PFKM: variants seen among roughly 807,000 people sequenced by gnomAD.
PFKM encodes phosphofructokinase, muscle, also known as ATP-dependent 6-phosphofructokinase, muscle type.
A neutral mutation model predicts 95.5 loss-of-function variants in PFKM; 58 were observed. That is an observed-to-expected ratio of 0.61 (90% CI 0.49 to 0.76). The LOEUF (loss-of-function observed/expected upper bound fraction) is 0.76, where lower values mean the gene tolerates loss of function less well. Ranked by LOEUF, PFKM falls within the 30% of genes least tolerant of loss-of-function variation. The probability of loss-of-function intolerance (pLI) is 0.00; values close to 1 mark genes in which losing one functional copy is unlikely to be tolerated. For synonymous variants in PFKM, 336 were observed against 357.2 expected (o/e 0.94, Z 0.67); for missense variants, 678 against 1,005.4 (o/e 0.67, Z 4.40).
chr12:48,135,136 C>G (rs1220460635), intron 9 of PFKM, 98 bp downstream of exon 9: 1 of 1,121,314 alleles, frequency 8.9e-7, no homozygotes, highest in Non-Finnish European at 1.4e-6. Flanking sequence ...GGTCCTTCTG[C>G]ACATCTCTCC....
intron 3 of PFKM, among the ~76,000 whole-genome samples, chr12:48,110,799 G>A (rs1046493677): frequency 6.6e-6 from 1 of 152,194 alleles, no homozygotes; most frequent in African/African-American, 2.4e-5. Flanking sequence ...ATCAGTATAA[G>A]CAGCTCTGCC....
intron 15 of PFKM, 77 bp from the exon 16 acceptor site, chr12:48,141,663 T>A (rs1479210425): frequency 9.0e-7 from 1 of 1,115,078 alleles, no homozygotes; most frequent in Non-Finnish European, 1.4e-6. Context: ...AACTCTAGCT[T>A]TTCTCCCCCT....
Position 48,145,501 on chromosome 12 carries a change from C to G in PFKM, c.2199-63C>G. 2 of 1,589,322 alleles carry G rather than the reference C, an allele frequency of 1.3e-6. No homozygotes were observed. Among genetic ancestry groups the G allele is most frequent in the Non-Finnish European group, 1.7e-6 (2 of 1,158,050 alleles). ...TTCTGTCTAACTTCTTCCTATAAAC[C>G]TTTGGTAGAAGTTGATTGGGGTGCT... On this transcript the variant is annotated intron_variant, in intron 22 of 22. Transcript: ENST00000359794. This position sits in a 1 kb window ranked among gnomAD's most constrained non-coding sequence, Gnocchi z 4.3.
intron 1 of PFKM, chr12:48,106,239 A>C: frequency 1.3e-5 from 8 of 628,894 alleles, no homozygotes; most frequent in Non-Finnish European, 1.7e-5. Flanking sequence ...CGAAGGGAGC[A>C]TTTAAGACTA....
intron 2 of PFKM, chr12:48,107,488 A>T: frequency 7.3e-7 from 1 of 1,361,982 alleles, no homozygotes; most frequent in East Asian, 2.3e-5. Flanking sequence ...CTCCAGTGAC[A>T]GAGAATGGGT....
upstream of PFKM, among the ~76,000 whole-genome samples, chr12:48,116,648 T>G (rs1249041120): frequency 2.0e-5 from 3 of 152,096 alleles, no homozygotes; most frequent in African/African-American, 7.2e-5. Context: ...CTGGCTAATT[T>G]TTTGTATTTT....
intron 10 of PFKM, among the ~76,000 whole-genome samples, chr12:48,136,013 C>T (rs900594623): frequency 2.0e-5 from 3 of 152,064 alleles, no homozygotes; most frequent in African/African-American, 7.3e-5. Flanking sequence ...CTCAGCCTCC[C>T]AAGTAGCTGG....
At chr12:48,133,524 A>G (rs1414960043) in intron 6 of PFKM, 44 bp downstream of exon 6, 1 of 1,564,274 alleles carries the variant, frequency 6.4e-7, no homozygotes, top group Non-Finnish European at 8.8e-7. Flanking sequence ...GATGGCAGCT[A>G]GGACAGGCTA....
chr12:48,142,427 C>G (rs1430301454), intron 17 of PFKM: 2 of 429,312 alleles, frequency 4.7e-6, no homozygotes, highest in African/African-American at 2.0e-5. Context: ...GAGCAGAGAT[C>G]GTGCCACTTT....
intron 6 of PFKM, 32 bp from the exon 7 acceptor site, chr12:48,134,200 C>T: frequency 6.2e-7 from 1 of 1,606,010 alleles, no homozygotes; most frequent in Non-Finnish European, 8.5e-7. Context: ...CATAGGGTCA[C>T]TTGGACTGTG....
rs936141337 is a variant in PFKM, at chr12:48,106,054, G to A, written c.-93G>A. On this transcript the variant is annotated 5_prime_UTR_variant, in exon 1 of 25. Transcript: ENST00000340802. Reference sequence around the variant, plus strand: ...GAACCGGAACCGGCTGCCATGCGAAGGGGTTTCCGGCCGGGCGCGGAACGC... The same window carrying A: ...GAACCGGAACCGGCTGCCATGCGAAAGGGTTTCCGGCCGGGCGCGGAACGC... 6.5e-5 allele frequency: 46 copies of A among 702,392 alleles called. No individual in the cohort carries two copies. In the African/African-American group the frequency reaches 8.0e-4, roughly 12 times the overall value. The allele number at this position is 702,392 out of a possible 1,614,324, so 43.5% of individuals were successfully genotyped here.
At position 48,140,756 on chromosome 12, in the gene PFKM, G is replaced by A; in HGVS notation, c.1226G>A (p.Gly409Glu). Residue 409 changes from glycine (G) to glutamate (E), a missense_variant, in exon 14 of 23, where the codon GGG becomes GAG. Transcript: ENST00000359794. Reference sequence around the variant, plus strand: ...CACACAGTGGCTGTGATGAACGTGGGGGCTCCGGCTGCAGGCATGAATGCT... The same window carrying A: ...CACACAGTGGCTGTGATGAACGTGGAGGCTCCGGCTGCAGGCATGAATGCT... ...GSHTVAVMNV[G>E]APAAGMNAAV... 6.2e-7 allele frequency: 1 copy of A among 1,614,176 alleles called. No homozygotes were observed. Among genetic ancestry groups the A allele is most frequent in the Non-Finnish European group, 8.5e-7 (1 of 1,180,034 alleles).
chr12:48,137,880 T>C (rs763321147), intron 11 of PFKM, 34 bp downstream of exon 11: 97 of 1,612,804 alleles, frequency 6.0e-5, no homozygotes, highest in Non-Finnish European at 8.1e-5. Context: ...TTCTTAACAC[T>C]CTCAAGCCCC....
At chr12:48,136,860 T>C (rs2135946170) in intron 10 of PFKM, among the ~76,000 whole-genome samples, 1 of 151,900 alleles carries the variant, frequency 6.6e-6, no homozygotes, top group Non-Finnish European at 1.5e-5. Context: ...TTCAAGGGAT[T>C]CTCCGGCCTC....
chr12:48,111,934 G>A (rs1947227127), intron 3 of PFKM, among the ~76,000 whole-genome samples: 1 of 152,202 alleles, frequency 6.6e-6, no homozygotes, highest in African/African-American at 2.4e-5. Flanking sequence ...TATGAGAGCT[G>A]TAGAGAGTGA....
upstream of PFKM, among the ~76,000 whole-genome samples, chr12:48,115,340 G>A (rs12318611): frequency 3.7e-4 from 57 of 152,304 alleles, no homozygotes; most frequent in African/African-American, 1.3e-3. Flanking sequence ...GGCTGAGTCC[G>A]AAAAAGGAGT....
In PFKM at chr12:48,108,166, C is replaced by T. The variant is rs368018099; in HGVS notation, c.177C>T (p.Thr59=). 5.8e-5 allele frequency: 92 copies of T among 1,598,230 alleles called. No homozygotes were observed. In the African/African-American group the frequency reaches 1.1e-3, roughly 20 times the overall value. Residue 59 remains threonine (T), a synonymous_variant, in exon 3 of 25, where the codon ACC becomes ACT. Transcript: ENST00000340802. ...TAGATACTATGGATGATCCAGACAC[C>T]GTGGGAAGCATACCTGTTTTCAAAA...
rs745952414 is a variant in PFKM at position 48,137,798 on chromosome 12, C to G, written c.1014C>G (p.Leu338=). ...TPDTPACVVS[L]SGNQAVRLPL... is the part of the protein sequence containing the mutation. The stretch of plus-strand genomic sequence containing the variant: ...ATACCCCAGCCTGTGTAGTGAGCCT[C>G]TCTGGTAACCAGGCTGTGCGCCTGC... The change falls in exon 11 of 23, where the codon CTC becomes CTG. Residue 338 remains leucine (L), a synonymous_variant. Transcript: ENST00000359794. 12 of 1,614,004 alleles carry G rather than the reference C, an allele frequency of 7.4e-6. No individual in the cohort carries two copies. The highest frequency in any genetic ancestry group is 1.7e-5 in the Admixed American group (1 of 60,010).
chr12:48,136,692 C>CTTTTTTTTTTTT (rs1166389532), intron 10 of PFKM, among the ~76,000 whole-genome samples: 20 of 63,008 alleles, frequency 3.2e-4, no homozygotes, highest in African/African-American at 8.3e-4. Flanking sequence ...GGGGTCGTCA[C>CTTTTTTTTTTTT]TTTTTTTTTT....
Sources: gnomAD v4.1 joint callset for allele counts (sites outside exome capture counted in the v4.1 genomes callset) on GRCh38, gnomAD v4.1.1 for gene constraint, Gnocchi (gnomAD v3.1) non-coding constraint, MANE v1.5 for transcripts, NCBI Gene and HGNC (gene_info 2026-07-23, HGNC 2026-07-21) for gene names.